CACNA2D4: variants seen among roughly 807,000 people sequenced by gnomAD.
CACNA2D4 encodes voltage-dependent calcium channel subunit alpha-2/delta-4.
Under a neutral mutation model 163.8 loss-of-function variants are expected in CACNA2D4, and 157 were observed. That is an observed-to-expected ratio of 0.96 (90% CI 0.84 to 1.09). CACNA2D4 has a LOEUF of 1.09. Among genes scored for constraint, CACNA2D4 ranks in the 50% least tolerant of loss-of-function variants. The pLI, the probability that CACNA2D4 is intolerant of heterozygous loss-of-function variation, is 0.00. For synonymous variants in CACNA2D4, 598 were observed against 586.9 expected, an observed-to-expected ratio of 1.02 and a Z score of -0.27; for missense variants, 1,410 against 1,479.9, an observed-to-expected ratio of 0.95 and a Z score of 0.78.
At position 1,797,413 on chromosome 12, in the gene CACNA2D4, C is replaced by G; in HGVS notation, c.3113+5G>C. ...GGGACGGGCGGCGCCGCCCTGCGGT[C>G]TTACTTCTGGCAGGGCCCGCACTCC... On this transcript the variant is annotated splice_donor_5th_base_variant and intron_variant, in intron 35 of 37. Coordinates refer to ENST00000382722, the MANE Select transcript of CACNA2D4 (RefSeq NM_172364.5). The G allele has an allele frequency of 6.5e-7, 1 of 1,532,870 alleles. No individual in the cohort carries two copies. The highest frequency in any genetic ancestry group is 8.8e-7 in the Non-Finnish European group (1 of 1,142,240). 95.0% of individuals were successfully genotyped at this position (1,532,870 alleles called of 1,614,324 possible). A position where few individuals can be genotyped will look rare whatever the true frequency, so the allele number is the denominator to read the frequency against.
chr12:1,882,673 C>T (rs1009472399), intron 13 of CACNA2D4, among the ~76,000 whole-genome samples, 194 bp downstream of exon 13: 1 of 152,100 alleles, frequency 6.6e-6, no homozygotes, highest in Admixed American at 6.5e-5. Flanking sequence ...GAGCAGTGGT[C>T]CCATTAGTGG....
rs1001150981 is a variant in CACNA2D4, at chr12:1,874,543, C to G, written c.1878+61G>C. ...TAAGTCCAGGTCCCTCGTCACTACT[C>G]CAAACCCAATTAATGAAGATGCCTT... is the stretch of plus-strand genomic sequence containing the variant. On this transcript the variant is annotated intron_variant, in intron 18 of 37. Coordinates refer to ENST00000382722, the MANE Select transcript of CACNA2D4 (RefSeq NM_172364.5). This position sits in a 1 kb window ranked among gnomAD's most constrained non-coding sequence, Gnocchi z 4.4. 1.6e-6 allele frequency: 2 copies of G among 1,221,278 alleles called. No homozygotes were observed. The highest frequency in any genetic ancestry group is 1.7e-5 in the Admixed American group (1 of 58,474). 75.7% of individuals were successfully genotyped at this position (1,221,278 alleles called of 1,614,324 possible).
rs762021158 is a variant in CACNA2D4 at position 1,806,958 on chromosome 12, G to T, written c.2721+3320C>A. 1.3e-5 allele frequency among the ~76,000 whole-genome samples: 2 copies of T among 152,094 alleles called. No individual in the cohort carries two copies. Among genetic ancestry groups the T allele is most frequent in the African/African-American group, 4.8e-5 (2 of 41,424 alleles). On this transcript the variant is annotated intron_variant, in intron 29 of 37. Coordinates refer to ENST00000382722, the MANE Select transcript of CACNA2D4 (RefSeq NM_172364.5). The surrounding 1 kb of genome is among the most constrained non-coding windows in gnomAD (Gnocchi z 4.1). ...TGGGGAAGAGGGGCAGGTTTGGGTC[G>T]GTTGGTGGGAGTTGGTGGTGGGCAG...
chr12:1,883,110 G>A lies in CACNA2D4; in HGVS notation c.1352-110C>T. On this transcript the variant is annotated intron_variant, in intron 12 of 37. Coordinates refer to ENST00000382722, the MANE Select transcript of CACNA2D4 (RefSeq NM_172364.5). This position sits in a 1 kb window ranked among gnomAD's most constrained non-coding sequence, Gnocchi z 4.5. The stretch of plus-strand genomic sequence containing the variant: ...GATGGCTCATAGCCGAATACTCTCT[G>A]GAAACTGGACCGGGGCACAGGGAGC... The A allele has an allele frequency of 8.0e-7, 1 of 1,254,648 alleles. No homozygotes were observed. Among genetic ancestry groups the A allele is most frequent in the Non-Finnish European group, 1.1e-6 (1 of 911,316 alleles). 77.7% of individuals were successfully genotyped at this position (1,254,648 alleles called of 1,614,324 possible).
chr12:1,863,365 G>A (rs904309873), intron 18 of CACNA2D4, among the ~76,000 whole-genome samples: 16 of 152,180 alleles, frequency 1.1e-4, no homozygotes, highest in African/African-American at 3.9e-4. Context: ...ACTGTGAATT[G>A]TCCAAATTTG....
chr12:1,794,168 T>C (rs915870660), intron 37 of CACNA2D4, among the ~76,000 whole-genome samples: 2 of 152,302 alleles, frequency 1.3e-5, no homozygotes, highest in Middle Eastern at 3.4e-3. Context: ...CCCCTCACAT[T>C]GCTCGATCAT....
At chr12:1,811,607 A>T in intron 27 of CACNA2D4, 55 bp downstream of exon 27, 1 of 1,519,610 alleles carries the variant, frequency 6.6e-7, no homozygotes, top group South Asian at 1.2e-5. Flanking sequence ...GGGGTCTCAC[A>T]CCCAGGGGAG....
At chr12:1,847,364 A>C (rs192126680) in intron 23 of CACNA2D4, among the ~76,000 whole-genome samples, 1 of 152,318 alleles carries the variant, frequency 6.6e-6, no homozygotes, top group Admixed American at 6.5e-5. Flanking sequence ...CTCCATGCCC[A>C]AGGGTGTGTG....
At chr12:1,896,646 C>CAA (rs1205083304) in intron 6 of CACNA2D4, among the ~76,000 whole-genome samples, 55 of 141,684 alleles carry the variant, frequency 3.9e-4, no homozygotes, top group African/African-American at 1.4e-3. Flanking sequence ...CACACACACA[C>CAA]ACACACACAA....
intron 19 of CACNA2D4, among the ~76,000 whole-genome samples, chr12:1,859,297 T>C (rs1156412123): frequency 6.6e-6 from 1 of 151,994 alleles, no homozygotes; most frequent in African/African-American, 2.4e-5. Context: ...AGGTGGAGGC[T>C]GTAGTAAGCT....
Position 1,834,262 on chromosome 12 carries a change from T to C in CACNA2D4, c.2551+6477A>G. On this transcript the variant is annotated intron_variant, in intron 26 of 37. Coordinates refer to ENST00000382722, the MANE Select transcript of CACNA2D4 (RefSeq NM_172364.5). The surrounding 1 kb of genome is among the most constrained non-coding windows in gnomAD (Gnocchi z 7.6). Reference sequence around the variant, plus strand: ...TCAGCCCCTCTTTTTCTCTTCTGCATGTAGGGGGACGCTTGGACCAGCTTG... The same window carrying C: ...TCAGCCCCTCTTTTTCTCTTCTGCACGTAGGGGGACGCTTGGACCAGCTTG... 5 of 1,556,700 alleles carry C rather than the reference T, an allele frequency of 3.2e-6. No homozygotes were observed. The highest frequency in any genetic ancestry group is 4.4e-6 in the Non-Finnish European group (5 of 1,148,828).
chr12:1,911,547 G>A (rs1866818388), intron 3 of CACNA2D4, among the ~76,000 whole-genome samples: 1 of 152,102 alleles, frequency 6.6e-6, no homozygotes, highest in South Asian at 2.1e-4. Flanking sequence ...AATCCCACAG[G>A]GGAAAGCTCA....
chr12:1,894,746 A>C (rs1367964845), intron 6 of CACNA2D4, among the ~76,000 whole-genome samples: 1 of 152,252 alleles, frequency 6.6e-6, no homozygotes, highest in African/African-American at 2.4e-5. Flanking sequence ...TCAACATAAT[A>C]AAGGTCATAT....
At chr12:1,819,566 G>A (rs892024739) in intron 26 of CACNA2D4, among the ~76,000 whole-genome samples, 38 of 152,194 alleles carry the variant, frequency 2.5e-4, no homozygotes, top group African/African-American at 8.7e-4. Flanking sequence ...TGGACGCAAA[G>A]GAAGGGGGAT....
intron 23 of CACNA2D4, among the ~76,000 whole-genome samples, chr12:1,850,712 G>A (rs182417693): frequency 3.6e-4 from 55 of 152,050 alleles, no homozygotes; most frequent in African/African-American, 1.3e-3. Flanking sequence ...AGACCATCCT[G>A]GCTAACATGG....
chr12:1,796,584 G>C (rs1447286148), intron 35 of CACNA2D4, among the ~76,000 whole-genome samples: 1 of 152,220 alleles, frequency 6.6e-6, no homozygotes, highest in Admixed American at 6.5e-5. Context: ...AGTGCACAGG[G>C]AACGCTAACC....
intron 10 of CACNA2D4, 44 bp from the exon 11 acceptor site, chr12:1,884,925 C>A: frequency 1.3e-6 from 2 of 1,594,574 alleles, no homozygotes; most frequent in Non-Finnish European, 8.6e-7. Context: ...GCCAAGCCCA[C>A]CCCCCTCCAC....
chr12:1,851,202 T>C (rs112876815), intron 23 of CACNA2D4, among the ~76,000 whole-genome samples: 128 of 152,356 alleles, frequency 8.4e-4, no homozygotes, highest in Admixed American at 1.9e-3. Context: ...TTTTTAATGT[T>C]GTTAAATTTA....
At chr12:1,801,886 G>C (rs1048920229) in intron 29 of CACNA2D4, among the ~76,000 whole-genome samples, 6 of 152,138 alleles carry the variant, frequency 3.9e-5, no homozygotes, top group Non-Finnish European at 8.8e-5. Context: ...CCCGCTAGCT[G>C]ACTATGAGAC....
Sources: gnomAD v4.1 joint callset for allele counts (sites outside exome capture counted in the v4.1 genomes callset) on GRCh38, gnomAD v4.1.1 for gene constraint, Gnocchi (gnomAD v3.1) non-coding constraint, MANE v1.5 for transcripts, NCBI Gene and HGNC (gene_info 2026-07-23, HGNC 2026-07-21) for gene names.